Variants in RBFOX3 observed in about 807,000 individuals in gnomAD.
The protein encoded by RBFOX3 is RNA binding fox-1 homolog 3.
Under a neutral mutation model 48.7 loss-of-function variants are expected in RBFOX3, and 17 were observed. The ratio of observed to expected loss-of-function variants is 0.35; its 90% CI spans 0.24 to 0.52. The LOEUF is 0.52. Ranked by LOEUF, RBFOX3 falls within the 20% of genes least tolerant of loss-of-function variation. The pLI is 0.94. For missense variants in RBFOX3, 382 were observed against 497.5 expected, an observed-to-expected ratio of 0.77 and a Z score of 2.21; for synonymous variants, 212 against 209.5, an observed-to-expected ratio of 1.01 and a Z score of -0.10.
At chr17:79,526,053 C>T in intron 1 of RBFOX3, among the ~76,000 whole-genome samples, 1 of 152,188 alleles carries the variant, frequency 6.6e-6, no homozygotes, top group East Asian at 1.9e-4. Context: ...CTGACACCAC[C>T]CAGCCACAGT....
chr17:79,520,427 T>C (rs977411426), intron 1 of RBFOX3, among the ~76,000 whole-genome samples: 9,616 of 152,236 alleles, frequency 0.063, 641 homozygotes, highest in African/African-American at 0.17. Context: ...CTGAGCGAGC[T>C]GCCCTCCTGT....
intron 1 of RBFOX3, among the ~76,000 whole-genome samples, chr17:79,488,010 G>C (rs2079908692): frequency 6.6e-6 from 1 of 151,810 alleles, no homozygotes; most frequent in Non-Finnish European, 1.5e-5. Flanking sequence ...TGGTCTTCAG[G>C]CTCCTAGAGG....
At chr17:79,237,295 T>C (rs149903919) in intron 3 of RBFOX3, among the ~76,000 whole-genome samples, 142 of 152,358 alleles carry the variant, frequency 9.3e-4, no homozygotes, top group Admixed American at 2.3e-3. Context: ...TGTAAAAAGG[T>C]TACTGCGGTC....
chr17:79,207,478 C>T lies in RBFOX3; in HGVS notation c.-34+28288G>A, dbSNP rs570198817. Among the ~76,000 whole-genome samples the T allele has an allele frequency of 7.2e-5, 11 of 152,328 alleles. No homozygotes were observed. The East Asian group carries it at 2.1e-3, about 29-fold the overall frequency. Reference sequence around the variant, plus strand: ...CTAGCGAGGCCTGCACTGTTCCCAGCGTGGCACCAGGGCCCCTTGCAAGCT... The same window carrying T: ...CTAGCGAGGCCTGCACTGTTCCCAGTGTGGCACCAGGGCCCCTTGCAAGCT... On this transcript the variant is annotated intron_variant, in intron 4 of 14. Coordinates refer to ENST00000693108, the MANE Select transcript of RBFOX3 (RefSeq NM_001350451.2).
Position 79,111,327 on chromosome 17 carries a change from G to A in RBFOX3, c.222+4167C>T, listed in dbSNP as rs1399586615. On this transcript the variant is annotated intron_variant, in intron 5 of 14. Transcript: ENST00000693108. The surrounding 1 kb of genome is among the most constrained non-coding windows in gnomAD (Gnocchi z 4.2). ...CGTGGGGTCCCTTCTGGCAGGTGGA[G>A]GAGCCCACGTGGGCTCTGGAAAACA... 6.6e-6 allele frequency among the ~76,000 whole-genome samples: 1 copy of A among 152,124 alleles called. No homozygotes were observed. Among genetic ancestry groups the A allele is most frequent in the Non-Finnish European group, 1.5e-5 (1 of 68,004 alleles).
intron 3 of RBFOX3, among the ~76,000 whole-genome samples, chr17:79,300,426 C>G (rs2075123869): frequency 6.6e-6 from 1 of 152,162 alleles, no homozygotes; most frequent in Non-Finnish European, 1.5e-5. Context: ...AGATGTGATC[C>G]TATTAAATTG....
the RBFOX3 span, among the ~76,000 whole-genome samples, chr17:79,662,332 C>T: frequency 6.6e-6 from 1 of 151,926 alleles, no homozygotes; most frequent in Non-Finnish European, 1.5e-5. Flanking sequence ...CCATGTTAGC[C>T]AGGATGGTCT....
intron 2 of RBFOX3, among the ~76,000 whole-genome samples, chr17:79,417,805 A>G (rs986064672): frequency 5.3e-5 from 8 of 152,364 alleles, no homozygotes; most frequent in Non-Finnish European, 1.0e-4. Context: ...CAATAGCCAC[A>G]CGGGGCGGCA....
intron 4 of RBFOX3, among the ~76,000 whole-genome samples, chr17:79,158,235 G>C (rs2046248650): frequency 2.0e-5 from 3 of 152,194 alleles, no homozygotes; most frequent in South Asian, 2.1e-4. Flanking sequence ...CAAACTCCCA[G>C]CCTTCAGAAC....
chr17:79,199,540 A>T lies in RBFOX3; in HGVS notation c.-34+36226T>A, dbSNP rs1286589666. 6.6e-6 allele frequency among the ~76,000 whole-genome samples: 1 copy of T among 152,046 alleles called. No homozygotes were observed. Among genetic ancestry groups the T allele is most frequent in the African/African-American group, 2.4e-5 (1 of 41,394 alleles). ...AGTCACTGACTTAGGGCTGCCAGTG[A>T]CCTCTGTGGTGGGAACAGGTGACCT... is the stretch of plus-strand genomic sequence containing the variant. On this transcript the variant is annotated intron_variant, in intron 4 of 14. Coordinates refer to ENST00000693108, the MANE Select transcript of RBFOX3 (RefSeq NM_001350451.2). This position sits in a 1 kb window ranked among gnomAD's most constrained non-coding sequence, Gnocchi z 5.1.
At chr17:79,287,817 C>T (rs73411814) in intron 3 of RBFOX3, among the ~76,000 whole-genome samples, 7,731 of 152,252 alleles carry the variant, frequency 0.051, 665 homozygotes, top group African/African-American at 0.18. Context: ...CTGTGCTGAC[C>T]GCCTGGCCTC....
At chr17:79,399,577 A>G (rs1288575706) in intron 2 of RBFOX3, among the ~76,000 whole-genome samples, 2 of 152,188 alleles carry the variant, frequency 1.3e-5, no homozygotes, top group Non-Finnish European at 2.9e-5. Flanking sequence ...TGGCCGCACC[A>G]GGGCCCAGCA....
intron 4 of RBFOX3, among the ~76,000 whole-genome samples, chr17:79,163,089 TG>T (rs1289447340): frequency 6.6e-6 from 1 of 151,614 alleles, no homozygotes; most frequent in East Asian, 2.0e-4. Context: ...TGAAACAGAG[TG>T]GTTCAAGCTG....
In RBFOX3 at chr17:79,299,801, C is replaced by T. The variant is rs149618779; in HGVS notation, c.-74+7923G>A. On this transcript the variant is annotated intron_variant, in intron 3 of 14. Coordinates refer to ENST00000693108, the MANE Select transcript of RBFOX3 (RefSeq NM_001350451.2). This position sits in a 1 kb window ranked among gnomAD's most constrained non-coding sequence, Gnocchi z 4.5. ...TGGCCACATAAGGACATGGAGAAGA[C>T]GGCGTCTACATGCCAAGGGGAGCAG... Among the ~76,000 whole-genome samples the T allele has an allele frequency of 4.1e-4, 62 of 152,288 alleles. No homozygotes were observed. The highest frequency in any genetic ancestry group is 5.3e-4 in the African/African-American group (22 of 41,562).
At chr17:79,256,066 G>A (rs944386632) in intron 3 of RBFOX3, among the ~76,000 whole-genome samples, 6 of 151,742 alleles carry the variant, frequency 4.0e-5, no homozygotes, top group East Asian at 2.0e-4. Flanking sequence ...TCCCTGGTGC[G>A]GACGGGAGGG....
intron 1 of RBFOX3, among the ~76,000 whole-genome samples, chr17:79,529,868 TTG>T (rs1277299646): frequency 6.6e-6 from 1 of 152,234 alleles, no homozygotes; most frequent in Non-Finnish European, 1.5e-5. Flanking sequence ...CCACCTGTGC[TTG>T]TGAACAACAT....
chr17:79,170,140 G>A (rs906830629), intron 4 of RBFOX3, among the ~76,000 whole-genome samples: 2 of 123,184 alleles, frequency 1.6e-5, no homozygotes, highest in African/African-American at 8.0e-5. Context: ...GGAGGAAGGA[G>A]GGAAGGAAGG....
At chr17:79,351,761 T>C (rs1373785835) in intron 2 of RBFOX3, among the ~76,000 whole-genome samples, 2 of 152,232 alleles carry the variant, frequency 1.3e-5, no homozygotes, top group East Asian at 3.8e-4. Flanking sequence ...GATGTGCAAA[T>C]ATCTTCTCCC....
chr17:79,177,652 C>T (rs2050892209), intron 4 of RBFOX3, among the ~76,000 whole-genome samples: 1 of 152,186 alleles, frequency 6.6e-6, no homozygotes, highest in Non-Finnish European at 1.5e-5. Flanking sequence ...GGGCATTCTT[C>T]CCATGTCCAT....
Sources: gnomAD v4.1 joint callset for allele counts (sites outside exome capture counted in the v4.1 genomes callset) on GRCh38, gnomAD v4.1.1 for gene constraint, Gnocchi (gnomAD v3.1) non-coding constraint, MANE v1.5 for transcripts, NCBI Gene and HGNC (gene_info 2026-07-23, HGNC 2026-07-21) for gene names.